The following MYT1L variants were observed in gnomAD, a reference collection of about 807,000 sequenced individuals.
MYT1L encodes the protein myelin transcription factor 1 like, also known as myelin transcription factor 1-like protein.
A neutral mutation model predicts 126.7 loss-of-function variants in MYT1L; 12 were observed. That is an observed-to-expected ratio of 0.09 (90% CI 0.06 to 0.15). The LOEUF is 0.15. Ranked by LOEUF, MYT1L falls within the 10% of genes least tolerant of loss-of-function variation. The probability of loss-of-function intolerance (pLI) is 1.00; values close to 1 mark genes in which losing one functional copy is unlikely to be tolerated. For synonymous variants in MYT1L, 541 were observed against 604.2 expected, an observed-to-expected ratio of 0.90 and a Z score of 1.53; for missense variants, 979 against 1,585.2, an observed-to-expected ratio of 0.62 and a Z score of 6.49.
chr2:2,199,019 C>T (rs1197409452), intron 2 of MYT1L, among the ~76,000 whole-genome samples: 1 of 151,880 alleles, frequency 6.6e-6, no homozygotes, highest in Admixed American at 6.6e-5. Flanking sequence ...ACACCATAGA[C>T]CAAAGGAGTG....
At chr2:1,948,885 C>T (rs1015375866) in intron 8 of MYT1L, among the ~76,000 whole-genome samples, 1 of 152,218 alleles carries the variant, frequency 6.6e-6, no homozygotes, top group Non-Finnish European at 1.5e-5. Flanking sequence ...CACATATCCT[C>T]TCCTAGATTT....
chr2:2,063,405 AC>A (rs985866788), intron 3 of MYT1L, among the ~76,000 whole-genome samples: 4 of 151,872 alleles, frequency 2.6e-5, no homozygotes, highest in East Asian at 3.9e-4. Context: ...CCTCCTGGAA[AC>A]CCTTTTCACA....
At chr2:1,844,951 A>C (rs2042295388) in intron 19 of MYT1L, among the ~76,000 whole-genome samples, 1 of 145,466 alleles carries the variant, frequency 6.9e-6, no homozygotes, top group Non-Finnish European at 1.5e-5. Flanking sequence ...TCCACAGTTC[A>C]TTTCTTAGGA....
chr2:2,003,927 C>G (rs974565852), intron 4 of MYT1L, among the ~76,000 whole-genome samples: 5 of 151,704 alleles, frequency 3.3e-5, no homozygotes, highest in Non-Finnish European at 5.9e-5. Context: ...TCGTGCATGC[C>G]TTCTTTCCTG....
intron 2 of MYT1L, among the ~76,000 whole-genome samples, chr2:2,183,727 T>G (rs1191168954): frequency 7.1e-6 from 1 of 139,894 alleles, no homozygotes; most frequent in Non-Finnish European, 1.5e-5. Context: ...ACTTTGGAGA[T>G]ATAACTAAAA....
chr2:2,190,265 A>G (rs1004574179), intron 2 of MYT1L, among the ~76,000 whole-genome samples: 1 of 152,130 alleles, frequency 6.6e-6, no homozygotes, highest in African/African-American at 2.4e-5. Flanking sequence ...GAGACCAGCC[A>G]GGGTAACATG....
intron 3 of MYT1L, among the ~76,000 whole-genome samples, chr2:2,163,747 A>G (rs1456580565): frequency 6.6e-6 from 1 of 151,862 alleles, no homozygotes; most frequent in Non-Finnish European, 1.5e-5. Flanking sequence ...CAGAAAAAAA[A>G]AAAAAAGAAA....
At chr2:2,252,691 C>G (rs919689505) in intron 2 of MYT1L, among the ~76,000 whole-genome samples, 2 of 152,170 alleles carry the variant, frequency 1.3e-5, no homozygotes, top group South Asian at 4.1e-4. Context: ...TCCCCTGTCC[C>G]CACCACCAAA....
chr2:1,936,817 C>A (rs900018411), intron 9 of MYT1L, among the ~76,000 whole-genome samples: 1 of 152,256 alleles, frequency 6.6e-6, no homozygotes, highest in East Asian at 1.9e-4. Flanking sequence ...CCCCTCACCC[C>A]CTCCATGCTG....
chr2:2,012,406 G>C (rs2063921662), intron 4 of MYT1L, among the ~76,000 whole-genome samples: 1 of 152,222 alleles, frequency 6.6e-6, no homozygotes, highest in African/African-American at 2.4e-5. Context: ...AACAAGTGCA[G>C]AATGGAGAAA....
intron 3 of MYT1L, 91 bp from the exon 4 acceptor site, chr2:2,054,214 T>C (rs1388916963): frequency 6.6e-6 from 1 of 152,616 alleles, no homozygotes; most frequent in Non-Finnish European, 1.5e-5. Context: ...AGGTCTTTAA[T>C]GCATCTGCTG....
intron 4 of MYT1L, among the ~76,000 whole-genome samples, chr2:2,040,732 T>C (rs530803484): frequency 6.6e-6 from 1 of 152,292 alleles, no homozygotes; most frequent in African/African-American, 2.4e-5. Flanking sequence ...GAATGGATCA[T>C]TGTTGGGGGC....
At chr2:1,869,923 C>T (rs190664176) in intron 18 of MYT1L, among the ~76,000 whole-genome samples, 79 of 152,248 alleles carry the variant, frequency 5.2e-4, no homozygotes, top group African/African-American at 1.8e-3. Context: ...AAGCTAGTCA[C>T]CTAATAAGTG....
chr2:2,321,824 C>T (rs143312901), intron 1 of MYT1L, among the ~76,000 whole-genome samples: 2 of 152,222 alleles, frequency 1.3e-5, no homozygotes, highest in Admixed American at 1.3e-4. Context: ...AGGTAATTTT[C>T]TTTAAAGAAA....
chr2:2,288,019 A>T (rs897098580), intron 1 of MYT1L, among the ~76,000 whole-genome samples: 1 of 152,216 alleles, frequency 6.6e-6, no homozygotes, highest in African/African-American at 2.4e-5. Context: ...GCTTCTTCAG[A>T]CAGACATCAG....
At chr2:2,031,442 G>A (rs2066237908) in intron 4 of MYT1L, among the ~76,000 whole-genome samples, 1 of 147,956 alleles carries the variant, frequency 6.8e-6, no homozygotes, top group Non-Finnish European at 1.5e-5. Flanking sequence ...TAGAAGGAGG[G>A]CCTTATACAC....
intron 2 of MYT1L, among the ~76,000 whole-genome samples, chr2:2,218,010 C>T (rs1046461277): frequency 3.3e-5 from 5 of 152,130 alleles, no homozygotes; most frequent in Non-Finnish European, 7.4e-5. Flanking sequence ...CCAACTAAAA[C>T]CACAACACGA....
intron 3 of MYT1L, among the ~76,000 whole-genome samples, chr2:2,133,436 TGTTA>T (rs1559106158): frequency 6.6e-6 from 1 of 152,192 alleles, no homozygotes; most frequent in African/African-American, 2.4e-5. Flanking sequence ...TCTCTTATGT[TGTTA>T]TTTTTAAGTT....
intron 1 of MYT1L, among the ~76,000 whole-genome samples, chr2:2,317,209 T>A (rs143036936): frequency 1.5e-3 from 222 of 152,268 alleles, no homozygotes; most frequent in African/African-American, 5.1e-3. Context: ...ATTAGACTCA[T>A]CAATCAAACA....
Sources: allele counts gnomAD v4.1 joint callset (sites outside exome capture counted in the v4.1 genomes callset), GRCh38; gene constraint gnomAD v4.1.1; transcripts MANE v1.5; gene names NCBI Gene and HGNC (gene_info 2026-07-23, HGNC 2026-07-21).